Variants in FAM227B observed in about 807,000 individuals in gnomAD.
FAM227B encodes the protein family with sequence similarity 227 member B, also known as protein FAM227B.
A neutral mutation model predicts 73.8 loss-of-function variants in FAM227B; 88 were observed. The observed-to-expected ratio is 1.19, with a 90% CI of 1.00 to 1.42. The LOEUF (loss-of-function observed/expected upper bound fraction) is 1.42. Among genes scored for constraint, FAM227B ranks in the 40% most tolerant of loss-of-function variants. FAM227B has a pLI of 0.00. For synonymous variants in FAM227B, 210 were observed against 190.5 expected, an observed-to-expected ratio of 1.10 and a Z score of -0.84; for missense variants, 632 against 590.9, an observed-to-expected ratio of 1.07 and a Z score of -0.72.
chr15:49,366,292 A>C (rs1567162069), intron 13 of FAM227B: 6 of 787,940 alleles, frequency 7.6e-6, no homozygotes, highest in Non-Finnish European at 1.2e-5. Flanking sequence ...TTTTCACATC[A>C]GGAAATTCAG....
intron 11 of FAM227B, among the ~76,000 whole-genome samples, chr15:49,390,213 C>T (rs960542271): frequency 2.0e-5 from 3 of 151,964 alleles, no homozygotes; most frequent in African/African-American, 7.2e-5. Flanking sequence ...CCACCTGCTG[C>T]ACTGATTATA....
At chr15:49,357,609 C>A (rs2043395137) in intron 13 of FAM227B, among the ~76,000 whole-genome samples, 2 of 150,202 alleles carry the variant, frequency 1.3e-5, no homozygotes, top group South Asian at 4.2e-4. Flanking sequence ...GCTTACCAAC[C>A]AAAAAGAGTC....
chr15:49,580,274 T>C (rs541816272), intron 5 of FAM227B, among the ~76,000 whole-genome samples: 20 of 152,292 alleles, frequency 1.3e-4, no homozygotes, highest in African/African-American at 4.8e-4. Flanking sequence ...GCCTTGTAAA[T>C]GTGAGGAAAT....
At chr15:49,597,260 T>C (rs2076939174) in intron 3 of FAM227B, among the ~76,000 whole-genome samples, 1 of 151,874 alleles carries the variant, frequency 6.6e-6, no homozygotes, top group African/African-American at 2.4e-5. Flanking sequence ...AAATCAAAAT[T>C]ACATAAAGTA....
chr15:49,355,307 A>G (rs1372542786), intron 13 of FAM227B, among the ~76,000 whole-genome samples: 1 of 152,220 alleles, frequency 6.6e-6, no homozygotes, highest in Admixed American at 6.5e-5. Context: ...ACGGGAGGAC[A>G]TTCAAACCAA....
At chr15:49,469,941 AC>A (rs1206744892) in intron 11 of FAM227B, among the ~76,000 whole-genome samples, 14 of 152,146 alleles carry the variant, frequency 9.2e-5, no homozygotes, top group Admixed American at 3.3e-4. Context: ...AAGAATTCTC[AC>A]CTTCACAGTA....
At chr15:49,348,249 A>G (rs1160486246) in intron 13 of FAM227B, among the ~76,000 whole-genome samples, 7 of 152,122 alleles carry the variant, frequency 4.6e-5, no homozygotes, top group Admixed American at 6.5e-5. Flanking sequence ...ATTATTTTCA[A>G]TCACCCCTCT....
chr15:49,473,114 C>A (rs1045763112), intron 11 of FAM227B, among the ~76,000 whole-genome samples: 16 of 152,018 alleles, frequency 1.1e-4, no homozygotes, highest in African/African-American at 3.9e-4. Flanking sequence ...TTTTTAAAAA[C>A]ATTTTTGTAT....
At chr15:49,395,835 ACT>A in intron 11 of FAM227B, 1 of 421,226 alleles carries the variant, frequency 2.4e-6, no homozygotes, top group Non-Finnish European at 4.7e-6. Flanking sequence ...AAAGAGTTAA[ACT>A]CAACACATTC....
intron 11 of FAM227B, among the ~76,000 whole-genome samples, chr15:49,455,702 G>GT (rs1177214068): frequency 6.6e-6 from 1 of 152,132 alleles, no homozygotes; most frequent in African/African-American, 2.4e-5. Context: ...TGATTTTGGT[G>GT]TTTTAAACAT....
chr15:49,600,418 C>T (rs934428644), intron 3 of FAM227B, among the ~76,000 whole-genome samples: 2 of 150,908 alleles, frequency 1.3e-5, no homozygotes, highest in African/African-American at 4.9e-5. Flanking sequence ...TTTTGAGAGG[C>T]CAAGGCGGGT....
intron 11 of FAM227B, among the ~76,000 whole-genome samples, chr15:49,445,638 A>G (rs1429664054): frequency 6.6e-6 from 1 of 151,614 alleles, no homozygotes; most frequent in African/African-American, 2.4e-5. Context: ...TGTGTACACC[A>G]TAAATATGTA....
Position 49,331,864 on chromosome 15 carries a change from A to C in FAM227B, c.1350-15T>G, listed in dbSNP as rs989816023. The C allele has an allele frequency of 6.5e-7, 1 of 1,549,110 alleles. No homozygotes were observed. Among genetic ancestry groups the C allele is most frequent in the African/African-American group, 1.4e-5 (1 of 73,610 alleles). Reference sequence around the variant, plus strand: ...TTGCTTGGAGTCTAATCATGGAATAAAGAAAATCAGTAACCAAACTAATTG... The same window carrying C: ...TTGCTTGGAGTCTAATCATGGAATACAGAAAATCAGTAACCAAACTAATTG... On this transcript the variant is annotated splice_polypyrimidine_tract_variant and intron_variant, in intron 14 of 15. Transcript: ENST00000299338.
chr15:49,330,215 C>T (rs1201567506), intron 15 of FAM227B: 1 of 152,150 alleles, frequency 6.6e-6, no homozygotes. Flanking sequence ...GTAGGAGGCT[C>T]AGTGAGAGTG....
chr15:49,406,516 T>G (rs2151660685), intron 11 of FAM227B, among the ~76,000 whole-genome samples: 1 of 151,540 alleles, frequency 6.6e-6, no homozygotes, highest in African/African-American at 2.4e-5. Context: ...GAGGGTCTGC[T>G]GTTCTCCATG....
intron 11 of FAM227B, among the ~76,000 whole-genome samples, chr15:49,405,133 T>G (rs549506430): frequency 2.0e-5 from 3 of 152,234 alleles, no homozygotes; most frequent in African/African-American, 7.2e-5. Context: ...GTTAGTCTTA[T>G]GGGCTTCCCT....
At chr15:49,598,237 A>T (rs1468513512) in intron 3 of FAM227B, among the ~76,000 whole-genome samples, 1 of 151,976 alleles carries the variant, frequency 6.6e-6, no homozygotes, top group Non-Finnish European at 1.5e-5. Context: ...ATTGTAAAAG[A>T]GATTGTTTTC....
chr15:49,329,806 TAA>T (rs558009170), intron 15 of FAM227B: 38,610 of 712,290 alleles, frequency 0.054, 3 homozygotes, highest in Middle Eastern at 0.064. Context: ...TGGATCAGTG[TAA>T]AAAAAAAAAA....
Position 49,489,834 on chromosome 15 carries a change from A to ATTT in FAM227B, c.1012+18376_1012+18377insAAA, listed in dbSNP as rs1378958188. On this transcript the variant is annotated intron_variant, in intron 11 of 15. Transcript: ENST00000299338. ...ATATATATATATTTTATATATATAT[A>ATTT]TATATTTTATATATATATATATATT... is the stretch of plus-strand genomic sequence containing the variant. Among the ~76,000 whole-genome samples the ATTT allele has an allele frequency of 1.8e-3, 61 of 34,712 alleles. 4 individuals carry two copies. The highest frequency in any genetic ancestry group is 6.6e-3 in the Admixed American group (12 of 1,830). The allele number at this position is 34,712 out of a possible 152,430, so 22.8% of individuals were successfully genotyped here. A position where few individuals can be genotyped will look rare whatever the true frequency, so the allele number is the denominator to read the frequency against.
Sources: allele counts gnomAD v4.1 joint callset (sites outside exome capture counted in the v4.1 genomes callset), GRCh38; gene constraint gnomAD v4.1.1; transcripts MANE v1.5; gene names NCBI Gene and HGNC (gene_info 2026-07-23, HGNC 2026-07-21).